The following STPG2 variants were observed in gnomAD, a reference collection of about 807,000 sequenced individuals.
STPG2 encodes sperm tail PG-rich repeat containing 2, also known as sperm-tail PG-rich repeat-containing protein 2.
In STPG2, 56 loss-of-function variants were observed where a neutral mutation model predicts 54.2. The ratio of observed to expected loss-of-function variants is 1.03; its 90% CI spans 0.83 to 1.29. STPG2 has a LOEUF of 1.29. Ranked by LOEUF, STPG2 falls within the 50% of genes most tolerant of loss-of-function variation. STPG2 has a pLI of 0.00. For missense variants in STPG2, 596 were observed against 544.9 expected, an observed-to-expected ratio of 1.09 and a Z score of -0.93; for synonymous variants, 200 against 181.8, an observed-to-expected ratio of 1.10 and a Z score of -0.81.
intron 10 of STPG2, among the ~76,000 whole-genome samples, chr4:97,578,697 G>A (rs1732786413): frequency 6.6e-6 from 1 of 151,314 alleles, no homozygotes; most frequent in Admixed American, 6.6e-5. Flanking sequence ...CCACATAATA[G>A]CCAATTTCCC....
chr4:97,947,450 A>C (rs957573288), intron 7 of STPG2, among the ~76,000 whole-genome samples: 1 of 151,846 alleles, frequency 6.6e-6, no homozygotes, highest in African/African-American at 2.4e-5. Context: ...TGCTGAATGG[A>C]AAGTGGTGAA....
intron 8 of STPG2, among the ~76,000 whole-genome samples, chr4:97,914,628 T>C (rs975386580): frequency 7.9e-5 from 12 of 152,158 alleles, no homozygotes; most frequent in African/African-American, 2.9e-4. Context: ...ATTCTACAAG[T>C]TGCACACTGA....
chr4:97,540,354 C>T (rs556366046), intron 4 of STPG2, among the ~76,000 whole-genome samples: 2 of 152,102 alleles, frequency 1.3e-5, no homozygotes, highest in African/African-American at 4.8e-5. Context: ...CACCTCTATG[C>T]AAATAAACTA....
chr4:97,579,016 A>T (rs1410849735), intron 10 of STPG2, among the ~76,000 whole-genome samples: 1 of 152,128 alleles, frequency 6.6e-6, no homozygotes. Flanking sequence ...TAAATCACTC[A>T]TCTGTTTTCA....
At chr4:97,576,280 GAAAA>G (rs139140769) in intron 10 of STPG2, among the ~76,000 whole-genome samples, 1 of 123,936 alleles carries the variant, frequency 8.1e-6, no homozygotes, top group Non-Finnish European at 1.7e-5. Context: ...TATATGGAAT[GAAAA>G]AAAAAAAAAG....
chr4:98,060,604 C>G (rs1305992127), intron 5 of STPG2, among the ~76,000 whole-genome samples: 1 of 152,146 alleles, frequency 6.6e-6, no homozygotes, highest in Admixed American at 6.6e-5. Flanking sequence ...GCCCGAATAG[C>G]CAAGGCAATC....
intron 7 of STPG2, among the ~76,000 whole-genome samples, chr4:97,957,517 C>T (rs149099933): frequency 0.011 from 1,675 of 152,162 alleles, 8 homozygotes; most frequent in Non-Finnish European, 0.018. Context: ...GTGAGGAAAA[C>T]GTTCCCAGCC....
At chr4:97,806,334 G>A (rs1218076549) in intron 9 of STPG2, among the ~76,000 whole-genome samples, 6 of 151,990 alleles carry the variant, frequency 3.9e-5, no homozygotes, top group Admixed American at 6.6e-5. Flanking sequence ...CATGGACATC[G>A]AGATGGGAAC....
At chr4:97,521,607 T>C (rs868651671) in intron 4 of STPG2, among the ~76,000 whole-genome samples, 2 of 152,064 alleles carry the variant, frequency 1.3e-5, no homozygotes, top group African/African-American at 4.8e-5. Flanking sequence ...TATTTTACAT[T>C]ATTTTGCTCT....
intron 4 of STPG2, among the ~76,000 whole-genome samples, chr4:97,476,438 C>T (rs1187644320): frequency 6.6e-6 from 1 of 151,954 alleles, no homozygotes; most frequent in Admixed American, 6.6e-5. Flanking sequence ...AATACCATTT[C>T]TTTTTTCTTT....
At chr4:98,022,820 G>A (rs189399296) in intron 5 of STPG2, among the ~76,000 whole-genome samples, 301 of 152,188 alleles carry the variant, frequency 2.0e-3, no homozygotes, top group African/African-American at 7.1e-3. Flanking sequence ...CGGCTCCTGA[G>A]GCTTCTGCAT....
intron 7 of STPG2, among the ~76,000 whole-genome samples, chr4:97,963,541 G>A (rs1404710534): frequency 6.6e-6 from 1 of 151,924 alleles, no homozygotes; most frequent in Non-Finnish European, 1.5e-5. Context: ...TGTGGTCCCA[G>A]CTACACAGAA....
At position 97,673,378 on chromosome 4, in the gene STPG2, T is replaced by G. The variant is rs576786827; in HGVS notation, c.1320+39321A>C. Among the ~76,000 whole-genome samples, 277 of 152,352 alleles carry G rather than the reference T, an allele frequency of 1.8e-3. 2 individuals carry two copies. Among genetic ancestry groups the G allele is most frequent in the African/African-American group, 6.0e-3 (251 of 41,592 alleles). ...AAAAAATAAATGTTTCAATTATTAC[T>G]GAAAAGATCTTTTGCCTTCACAGCA... On this transcript the variant is annotated intron_variant, in intron 10 of 10. Transcript: ENST00000295268.
At chr4:97,955,912 C>T (rs1335276004) in intron 7 of STPG2, among the ~76,000 whole-genome samples, 1 of 152,092 alleles carries the variant, frequency 6.6e-6, no homozygotes, top group Non-Finnish European at 1.5e-5. Context: ...TAACAAAATA[C>T]ATTTCAGACA....
chr4:97,881,798 T>A (rs1483900250), intron 8 of STPG2, among the ~76,000 whole-genome samples: 1 of 152,148 alleles, frequency 6.6e-6, no homozygotes. Flanking sequence ...TGAAACAATA[T>A]CCTAATAGTA....
chr4:97,568,900 G>GTT (rs70953073), intron 10 of STPG2, among the ~76,000 whole-genome samples: 3,190 of 143,770 alleles, frequency 0.022, 95 homozygotes, highest in African/African-American at 0.075. Context: ...TTTTTGTTTT[G>GTT]TTTTTTTTTT....
At chr4:97,859,552 C>A (rs368331995) in intron 8 of STPG2, among the ~76,000 whole-genome samples, 1 of 151,506 alleles carries the variant, frequency 6.6e-6, no homozygotes, top group African/African-American at 2.4e-5. Flanking sequence ...GCAACCTCTG[C>A]CTCCCAGGTT....
At chr4:97,886,253 A>C (rs1730565436) in intron 8 of STPG2, among the ~76,000 whole-genome samples, 1 of 152,236 alleles carries the variant, frequency 6.6e-6, no homozygotes, top group African/African-American at 2.4e-5. Flanking sequence ...TTAGGCATCG[A>C]GGCAAAAAAG....
At chr4:97,670,181 T>C (rs1471581159) in intron 10 of STPG2, among the ~76,000 whole-genome samples, 1 of 152,184 alleles carries the variant, frequency 6.6e-6, no homozygotes, top group Non-Finnish European at 1.5e-5. Flanking sequence ...ATTATTAACA[T>C]GTATTTCCTG....
Sources: gnomAD v4.1 joint callset for allele counts (sites outside exome capture counted in the v4.1 genomes callset) on GRCh38, gnomAD v4.1.1 for gene constraint, MANE v1.5 for transcripts, NCBI Gene and HGNC (gene_info 2026-07-23, HGNC 2026-07-21) for gene names.